Variants in SRGAP3 observed in about 807,000 individuals in gnomAD.
SRGAP3 encodes the protein SLIT-ROBO Rho GTPase activating protein 3.
Under a neutral mutation model 121.1 loss-of-function variants are expected in SRGAP3, and 39 were observed. The observed-to-expected ratio is 0.32, with a 90% CI of 0.25 to 0.42. The LOEUF (loss-of-function observed/expected upper bound fraction) is 0.42. Among genes scored for constraint, SRGAP3 ranks in the 10% least tolerant of loss-of-function variants. The probability of loss-of-function intolerance (pLI) is 1.00; values close to 1 mark genes in which losing one functional copy is unlikely to be tolerated. For synonymous variants in SRGAP3, 601 were observed against 570.0 expected (o/e 1.05, Z -0.77); for missense variants, 1,213 against 1,470.6 (o/e 0.82, Z 2.86).
intron 3 of SRGAP3, among the ~76,000 whole-genome samples, chr3:9,268,350 C>T (rs1574958878): frequency 6.6e-6 from 1 of 151,884 alleles, no homozygotes; most frequent in East Asian, 1.9e-4. Context: ...CCCCCTCTCT[C>T]TTCTCTCTGC....
chr3:9,310,143 T>C (rs560555617), intron 3 of SRGAP3, among the ~76,000 whole-genome samples: 73 of 152,140 alleles, frequency 4.8e-4, no homozygotes, highest in Non-Finnish European at 7.6e-4. Flanking sequence ...AGCTAATCGG[T>C]AGCAGAGCCA....
intron 3 of SRGAP3, among the ~76,000 whole-genome samples, chr3:9,308,969 T>A (rs1406838974): frequency 6.6e-6 from 1 of 152,214 alleles, no homozygotes; most frequent in African/African-American, 2.4e-5. Flanking sequence ...CATCCTCATA[T>A]GTCGTTCTCT....
At chr3:9,174,950 G>A (rs149401834) in intron 1 of SRGAP3, among the ~76,000 whole-genome samples, 1 of 152,314 alleles carries the variant, frequency 6.6e-6, no homozygotes, top group East Asian at 1.9e-4. Flanking sequence ...CACCAGGGAG[G>A]CGTCATTCCG....
intron 1 of SRGAP3, among the ~76,000 whole-genome samples, chr3:9,216,297 G>A (rs1249815279): frequency 6.6e-6 from 1 of 152,148 alleles, no homozygotes; most frequent in African/African-American, 2.4e-5. Context: ...ACAAAATTAT[G>A]GGCATACGTT....
At chr3:9,080,512 G>C (rs1947189136) in intron 3 of SRGAP3, among the ~76,000 whole-genome samples, 1 of 152,192 alleles carries the variant, frequency 6.6e-6, no homozygotes, top group Non-Finnish European at 1.5e-5. Flanking sequence ...GAGAAACAAT[G>C]ATTTGGCATC....
intron 1 of SRGAP3, among the ~76,000 whole-genome samples, chr3:9,163,564 G>A (rs1190421897): frequency 1.3e-5 from 2 of 152,212 alleles, no homozygotes; most frequent in African/African-American, 2.4e-5. Context: ...GGCCCAGCTA[G>A]AAGGCTGCCG....
chr3:9,067,415 C>T (rs923320923), intron 4 of SRGAP3, among the ~76,000 whole-genome samples: 9 of 151,866 alleles, frequency 5.9e-5, no homozygotes, highest in Admixed American at 2.6e-4. Context: ...TGCTCATTTG[C>T]GATCTCCCTA....
At chr3:9,155,399 T>C (rs79167386) in intron 1 of SRGAP3, among the ~76,000 whole-genome samples, 1,893 of 152,334 alleles carry the variant, frequency 0.012, 55 homozygotes, top group African/African-American at 0.043. Context: ...TTGTCACTCA[T>C]GGTGATTTTT....
chr3:9,163,417 T>C (rs1169728757), intron 1 of SRGAP3, among the ~76,000 whole-genome samples: 3 of 152,178 alleles, frequency 2.0e-5, no homozygotes, highest in Non-Finnish European at 4.4e-5. Flanking sequence ...GCGGCTCCCT[T>C]CACCGGCCTG....
At chr3:9,031,633 A>T (rs1315119917) in intron 12 of SRGAP3, among the ~76,000 whole-genome samples, 1 of 151,894 alleles carries the variant, frequency 6.6e-6, no homozygotes, top group African/African-American at 2.4e-5. Flanking sequence ...CTAAGGCCAA[A>T]CTCATATATC....
chr3:9,009,832 C>T (rs972671434), intron 18 of SRGAP3, among the ~76,000 whole-genome samples: 2 of 152,134 alleles, frequency 1.3e-5, no homozygotes, highest in Non-Finnish European at 2.9e-5. Context: ...CTGGCATTAT[C>T]GCTTTGCACC....
intron 3 of SRGAP3, among the ~76,000 whole-genome samples, chr3:9,085,718 C>A (rs1947435404): frequency 1.3e-5 from 2 of 152,098 alleles, no homozygotes; most frequent in Admixed American, 1.3e-4. Context: ...TAACAGAAAA[C>A]CAAATACCAC....
At chr3:9,291,552 AC>A (rs1480498735) in intron 3 of SRGAP3, among the ~76,000 whole-genome samples, 10 of 152,116 alleles carry the variant, frequency 6.6e-5, no homozygotes, top group Non-Finnish European at 1.2e-4. Context: ...CTCCCAAAAA[AC>A]AATCAATAAG....
chr3:9,283,191 C>G (rs576833199), intron 3 of SRGAP3, among the ~76,000 whole-genome samples: 1 of 152,138 alleles, frequency 6.6e-6, no homozygotes, highest in Non-Finnish European at 1.5e-5. Flanking sequence ...TCCACCCCCC[C>G]TCGGCCTCCC....
intron 3 of SRGAP3, among the ~76,000 whole-genome samples, chr3:9,290,682 G>A (rs929753505): frequency 2.0e-5 from 3 of 152,140 alleles, no homozygotes; most frequent in African/African-American, 7.2e-5. Flanking sequence ...CAAACCTACT[G>A]AATCAGTATC....
intron 3 of SRGAP3, among the ~76,000 whole-genome samples, chr3:9,299,371 AAAAAAG>A (rs1205442228): frequency 9.2e-5 from 14 of 151,408 alleles, no homozygotes; most frequent in African/African-American, 2.4e-4. Context: ...AAAAAAAAAA[AAAAAAG>A]AAAAGAAAAG....
intron 1 of SRGAP3, among the ~76,000 whole-genome samples, chr3:9,156,653 G>A (rs1272744807): frequency 6.6e-6 from 1 of 152,172 alleles, no homozygotes; most frequent in East Asian, 1.9e-4. Flanking sequence ...GGCACTTTAA[G>A]ACCCATTTGC....
intron 3 of SRGAP3, among the ~76,000 whole-genome samples, chr3:9,260,262 TC>T (rs1954226594): frequency 6.6e-6 from 1 of 152,128 alleles, no homozygotes; most frequent in Non-Finnish European, 1.5e-5. Flanking sequence ...GGAGTTTTTT[TC>T]GTACCCCAGT....
At chr3:9,092,829 TG>T (rs1343070541) in intron 3 of SRGAP3, among the ~76,000 whole-genome samples, 17 of 152,286 alleles carry the variant, frequency 1.1e-4, no homozygotes, top group African/African-American at 4.1e-4. Context: ...TGTCCCACCC[TG>T]GCTTCCAAGT....
Sources: gnomAD v4.1 joint callset for allele counts (sites outside exome capture counted in the v4.1 genomes callset) on GRCh38, gnomAD v4.1.1 for gene constraint, MANE v1.5 for transcripts, NCBI Gene and HGNC (gene_info 2026-07-23, HGNC 2026-07-21) for gene names.